CACNG2: variants seen among roughly 807,000 people sequenced by gnomAD.
CACNG2 encodes the protein calcium voltage-gated channel auxiliary subunit gamma 2.
In CACNG2, 3 loss-of-function variants were observed where a neutral mutation model predicts 25.9. The observed-to-expected ratio is 0.12, with a 90% CI of 0.05 to 0.30. CACNG2 has a LOEUF of 0.30. Among genes scored for constraint, CACNG2 ranks in the 10% least tolerant of loss-of-function variants. The probability of loss-of-function intolerance (pLI) is 1.00; values close to 1 mark genes in which losing one functional copy is unlikely to be tolerated. For synonymous variants in CACNG2, 167 were observed against 173.3 expected (o/e 0.96, Z 0.29); for missense variants, 341 against 432.5 (o/e 0.79, Z 1.88).
In CACNG2 at chr22:36,580,082, T is replaced by C. The variant is rs140828909; in HGVS notation, c.295+7383A>G. 2.8e-3 allele frequency among the ~76,000 whole-genome samples: 430 copies of C among 152,342 alleles called. 3 individuals carry two copies. Among genetic ancestry groups the C allele is most frequent in the Non-Finnish European group, 4.4e-3 (300 of 68,022 alleles). On this transcript the variant is annotated intron_variant, in intron 2 of 3. Coordinates refer to ENST00000300105, the MANE Select transcript of CACNG2 (RefSeq NM_006078.5). ...TGGGTTCGGGGCAGGTGCGAATTGC[T>C]GTCCGACTCTAACTCCCTTAATCCT...
chr22:36,570,226 C>T (rs181292580), intron 2 of CACNG2, among the ~76,000 whole-genome samples: 1 of 152,270 alleles, frequency 6.6e-6, no homozygotes, highest in Non-Finnish European at 1.5e-5. Context: ...GTGTGGGCAG[C>T]CAGAGGCCAG....
In CACNG2 at chr22:36,564,891, G is replaced by A. The variant is rs764458809; in HGVS notation, c.437-5C>T. ...TGCCAATGATGTTACTCAGACCTGCGGGGCGCAGGGTGGCGGGGTGGGGGA... is the reference window on the plus strand; with the variant it reads ...TGCCAATGATGTTACTCAGACCTGCAGGGCGCAGGGTGGCGGGGTGGGGGA... On this transcript the variant is annotated splice_polypyrimidine_tract_variant and splice_region_variant and intron_variant, in intron 3 of 3. Coordinates refer to ENST00000300105, the MANE Select transcript of CACNG2 (RefSeq NM_006078.5). This position sits in a 1 kb window ranked among gnomAD's most constrained non-coding sequence, Gnocchi z 6.7. The A allele has an allele frequency of 2.5e-6, 4 of 1,610,890 alleles. No individual in the cohort carries two copies. The highest frequency in any genetic ancestry group is 1.7e-5 in the Admixed American group (1 of 60,006).
At chr22:36,614,475 T>C (rs1935994075) in intron 1 of CACNG2, among the ~76,000 whole-genome samples, 1 of 152,230 alleles carries the variant, frequency 6.6e-6, no homozygotes, top group African/African-American at 2.4e-5. Flanking sequence ...ATTCCTGGAC[T>C]ACATTGAAAG....
intron 1 of CACNG2, among the ~76,000 whole-genome samples, chr22:36,608,985 G>A (rs1935883770): frequency 6.6e-6 from 1 of 152,188 alleles, no homozygotes; most frequent in South Asian, 2.1e-4. Flanking sequence ...AGTGTTTCCA[G>A]GTGACCTCTC....
intron 1 of CACNG2, among the ~76,000 whole-genome samples, chr22:36,697,991 C>T (rs867709947): frequency 3.9e-5 from 6 of 152,086 alleles, no homozygotes; most frequent in Non-Finnish European, 7.4e-5. Flanking sequence ...TCACTGTAGC[C>T]AATTAGGAGC....
At chr22:36,599,426 G>A (rs1055442260) in intron 1 of CACNG2, among the ~76,000 whole-genome samples, 5 of 152,272 alleles carry the variant, frequency 3.3e-5, no homozygotes, top group Admixed American at 1.3e-4. Context: ...GCAGCTGGGC[G>A]TGGTGGCTCA....
intron 1 of CACNG2, among the ~76,000 whole-genome samples, chr22:36,622,480 C>A (rs1312209339): frequency 5.3e-5 from 8 of 152,178 alleles, no homozygotes; most frequent in Non-Finnish European, 1.2e-4. Flanking sequence ...GATCTTACTT[C>A]CTTACTTTTA....
chr22:36,661,453 G>C (rs1241643712), intron 1 of CACNG2, among the ~76,000 whole-genome samples: 1 of 152,180 alleles, frequency 6.6e-6, no homozygotes, highest in Non-Finnish European at 1.5e-5. Context: ...ATGGGAATGG[G>C]ATGTCAGGAG....
At chr22:36,645,228 T>C (rs536921825) in intron 1 of CACNG2, among the ~76,000 whole-genome samples, 3 of 152,140 alleles carry the variant, frequency 2.0e-5, no homozygotes, top group Non-Finnish European at 4.4e-5. Flanking sequence ...TTAATTACTG[T>C]TTGCAAAGCA....
At chr22:36,621,694 A>AG (rs1936108272) in intron 1 of CACNG2, among the ~76,000 whole-genome samples, 2 of 152,274 alleles carry the variant, frequency 1.3e-5, no homozygotes, top group South Asian at 4.1e-4. Flanking sequence ...ATGCACACAC[A>AG]GGCACTGTAG....
At chr22:36,646,376 C>T (rs1184858118) in intron 1 of CACNG2, among the ~76,000 whole-genome samples, 1 of 152,168 alleles carries the variant, frequency 6.6e-6, no homozygotes, top group Non-Finnish European at 1.5e-5. Context: ...AACACAAGAC[C>T]TTGTCTGCGA....
chr22:36,664,945 G>C (rs142677548), intron 1 of CACNG2, among the ~76,000 whole-genome samples: 24 of 152,250 alleles, frequency 1.6e-4, no homozygotes, highest in African/African-American at 5.8e-4. Context: ...TGGTGGATTG[G>C]GAGGGTAGGA....
At chr22:36,613,547 A>G (rs963460533) in intron 1 of CACNG2, among the ~76,000 whole-genome samples, 4 of 151,962 alleles carry the variant, frequency 2.6e-5, no homozygotes, top group Non-Finnish European at 4.4e-5. Flanking sequence ...CTCCTTTGCA[A>G]GGTCCTCTTC....
intron 1 of CACNG2, among the ~76,000 whole-genome samples, chr22:36,594,816 CTGTGTGTG>C (rs1047288229): frequency 1.5e-5 from 2 of 130,656 alleles, no homozygotes; most frequent in Non-Finnish European, 3.2e-5. Context: ...GGATGTGTGT[CTGTGTGTG>C]TACATCGGTG....
intron 1 of CACNG2, among the ~76,000 whole-genome samples, chr22:36,660,890 T>A (rs1156309813): frequency 6.6e-6 from 1 of 152,242 alleles, no homozygotes; most frequent in East Asian, 1.9e-4. Context: ...CTTACTCTCC[T>A]CTGTGCCTCA....
chr22:36,645,091 G>T (rs1936498330), intron 1 of CACNG2, among the ~76,000 whole-genome samples: 1 of 152,188 alleles, frequency 6.6e-6, no homozygotes, highest in Non-Finnish European at 1.5e-5. Context: ...GTTGAATTCT[G>T]TGTGCTATGC....
In CACNG2 at chr22:36,620,740, G is replaced by A. The variant is rs556161926; in HGVS notation, c.212-33192C>T. Among the ~76,000 whole-genome samples, 8 of 152,300 alleles carry A rather than the reference G, an allele frequency of 5.3e-5. No individual in the cohort carries two copies. The South Asian group carries it at 1.5e-3, about 28-fold the overall frequency. On this transcript the variant is annotated intron_variant, in intron 1 of 3. Coordinates refer to ENST00000300105, the MANE Select transcript of CACNG2 (RefSeq NM_006078.5). ...CACACACATTAAATGCTGACCACGG[G>A]GCCTTGCGTCAGAGCATCCAGAGCC...
At chr22:36,608,003 A>G (rs938397903) in intron 1 of CACNG2, among the ~76,000 whole-genome samples, 2 of 152,184 alleles carry the variant, frequency 1.3e-5, no homozygotes, top group Non-Finnish European at 2.9e-5. Flanking sequence ...TCCCGTAAGC[A>G]TCTCCAACTT....
chr22:36,663,814 G>C (rs945366111), intron 1 of CACNG2, among the ~76,000 whole-genome samples: 4 of 152,128 alleles, frequency 2.6e-5, no homozygotes, highest in Non-Finnish European at 5.9e-5. Context: ...TCCCATCTGT[G>C]GGGGGCTGGA....
Sources: gnomAD v4.1 joint callset for allele counts (sites outside exome capture counted in the v4.1 genomes callset) on GRCh38, gnomAD v4.1.1 for gene constraint, Gnocchi (gnomAD v3.1) non-coding constraint, MANE v1.5 for transcripts, NCBI Gene and HGNC (gene_info 2026-07-23, HGNC 2026-07-21) for gene names.